Variants in PCDH20 observed in about 807,000 individuals in gnomAD.
PCDH20 encodes the protein protocadherin 20.
Under a neutral mutation model 39.7 loss-of-function variants are expected in PCDH20, and 18 were observed. The ratio of observed to expected loss-of-function variants is 0.45; its 90% confidence interval spans 0.31 to 0.67. The LOEUF (loss-of-function observed/expected upper bound fraction) is 0.67, where lower values mean the gene tolerates loss of function less well. Among genes scored for constraint, PCDH20 ranks in the 30% least tolerant of loss-of-function variants. The probability of loss-of-function intolerance (pLI) is 0.05; values close to 1 mark genes in which losing one functional copy is unlikely to be tolerated. For missense variants in PCDH20, 1,161 were observed against 1,167.4 expected (o/e 0.99, Z 0.08); for synonymous variants, 495 against 455.4 (o/e 1.09, Z -1.11).
At chr13:61,412,059 G>A (rs1566222333) in exon 2 of PCDH20, 2 of 1,614,016 alleles carry the variant, frequency 1.2e-6, no homozygotes, top group Non-Finnish European at 8.5e-7. Context: ...TATCACTCTG[G>A]TTCACCACAG....
intron 1 of PCDH20, among the ~76,000 whole-genome samples, chr13:61,414,620 C>G (rs532008096): frequency 2.0e-5 from 3 of 152,270 alleles, no homozygotes; most frequent in African/African-American, 7.2e-5. Flanking sequence ...ATTTCCACCC[C>G]TTACCAAGCA....
chr13:61,412,200 A>G (rs778346963), exon 2 of PCDH20: 1 of 1,613,996 alleles, frequency 6.2e-7, no homozygotes, highest in East Asian at 2.2e-5. Context: ...GACTGTTGTC[A>G]TTTTTATCCA....
chr13:61,411,585 C>T (rs139721245), exon 2 of PCDH20: 1 of 1,614,168 alleles, frequency 6.2e-7, no homozygotes, highest in Non-Finnish European at 8.5e-7. Flanking sequence ...ATAGGTTCAC[C>T]ATGACTGTGG....
exon 2 of PCDH20, chr13:61,411,523 T>C: frequency 6.2e-7 from 1 of 1,614,204 alleles, no homozygotes; most frequent in Non-Finnish European, 8.5e-7. Flanking sequence ...CTCTGGTTCT[T>C]TTCTTAAAAG....
At position 61,412,556 on chromosome 13, in the gene PCDH20, A is replaced by G. The variant is rs913864855; in HGVS notation, c.1543T>C (p.Phe515Leu). The G allele has an allele frequency of 6.2e-7, 1 of 1,613,994 alleles. No homozygotes were observed. Among genetic ancestry groups the G allele is most frequent in the Admixed American group, 1.7e-5 (1 of 60,006 alleles). The change falls in exon 2 of 2, where the codon TTT (phenylalanine) becomes CTT (leucine). Residue 515 changes from phenylalanine (F) to leucine (L), a missense_variant. Around this residue, in one of 3 missense-constraint regions of PCDH20, gnomAD observed 754 missense variants for 777.5 expected, o/e 0.97. Coordinates refer to ENST00000409204, the Ensembl canonical transcript of PCDH20. ...ACTTTAATGACCCTTTTGACATGAA[A>G]TCCCTCAGAGTTCCAAGCCACCACA...
exon 2 of PCDH20, chr13:61,411,420 C>T (rs987767339): frequency 1.9e-6 from 3 of 1,614,094 alleles, no homozygotes; most frequent in Middle Eastern, 1.6e-4. Context: ...TTATTACAGA[C>T]AGAGCTACTA....
chr13:61,412,468 A>G, exon 2 of PCDH20: 1 of 1,614,120 alleles, frequency 6.2e-7, no homozygotes, highest in Non-Finnish European at 8.5e-7. Flanking sequence ...GTTCTCTTCG[A>G]TGGTTAGTTC....
exon 2 of PCDH20, chr13:61,413,563 A>C (rs779862281): frequency 6.2e-7 from 1 of 1,614,174 alleles, no homozygotes; most frequent in East Asian, 2.2e-5. Context: ...CACATCCAGC[A>C]GCAAAAGACA....
chr13:61,415,455 C>T lies in PCDH20; in HGVS notation c.-297G>A, dbSNP rs3829389. The T allele has an allele frequency of 6.4e-3, 1,832 of 288,312 alleles. 79 individuals carry two copies. In the East Asian group the frequency reaches 0.081, roughly 13 times the overall value. The allele number at this position is 288,312 out of a possible 1,614,324, so 17.9% of individuals were successfully genotyped here. ...ACAGTAGCGCTTACCTACCAGCCTCCTTCCTTGCCGCACCAGTCAGATGCC... is the reference window on the plus strand; with the variant it reads ...ACAGTAGCGCTTACCTACCAGCCTCTTTCCTTGCCGCACCAGTCAGATGCC... On this transcript the variant is annotated 5_prime_UTR_variant, in exon 1 of 2. Coordinates refer to ENST00000409204, the Ensembl canonical transcript of PCDH20.
At chr13:61,413,146 G>A (rs1871440681) in exon 2 of PCDH20, 1 of 1,614,158 alleles carries the variant, frequency 6.2e-7, no homozygotes, top group Non-Finnish European at 8.5e-7. Context: ...TGTGAAGAGA[G>A]GGCAATTGTC....
In PCDH20 at chr13:61,414,938, TAGA is replaced by T. The variant is rs1284511233; in HGVS notation, c.132+86_132+88del. ...CCTTCCCGTGAAGTTTAGATAAAGG[TAGA>T]AGGTTTGAAAAACCATCCGAGTGGG... On this transcript the variant is annotated intron_variant, in intron 1 of 1. Coordinates refer to ENST00000409204, the Ensembl canonical transcript of PCDH20. The T allele has an allele frequency of 5.5e-6, 7 of 1,278,910 alleles. No individual in the cohort carries two copies. The African/African-American group carries it at 9.3e-5, about 17-fold the overall frequency. The allele number at this position is 1,278,910 out of a possible 1,614,324, so 79.2% of individuals were successfully genotyped here.
exon 2 of PCDH20, chr13:61,413,702 G>A (rs1871469168): frequency 6.2e-7 from 1 of 1,613,872 alleles, no homozygotes; most frequent in Admixed American, 1.7e-5. Flanking sequence ...CGGTTGTCTA[G>A]GGTCACGTAC....
chr13:61,412,121 C>T (rs866914126), exon 2 of PCDH20: 3 of 1,614,124 alleles, frequency 1.9e-6, no homozygotes, highest in Non-Finnish European at 2.5e-6. Context: ...ACACTAATTA[C>T]TCCAATCTCA....
chr13:61,413,254 G>C (rs1268919387), exon 2 of PCDH20: 1 of 1,614,110 alleles, frequency 6.2e-7, no homozygotes, highest in Admixed American at 1.7e-5. Context: ...CTGGTCCTGG[G>C]TTTCCCTGTC....
intron 1 of PCDH20, among the ~76,000 whole-genome samples, chr13:61,414,734 AG>A (rs1871498765): frequency 6.6e-6 from 1 of 152,198 alleles, no homozygotes; most frequent in Admixed American, 6.5e-5. Context: ...AGACGCCAGC[AG>A]CAGGAAACGA....
chr13:61,415,451 C>T, exon 1 of PCDH20: 1 of 296,690 alleles, frequency 3.4e-6, no homozygotes, highest in Admixed American at 5.1e-5. Context: ...TACCTACCAG[C>T]CTCCTTCCTT....
chr13:61,411,279 C>A (rs1218047585), exon 2 of PCDH20: 1 of 1,613,872 alleles, frequency 6.2e-7, no homozygotes. Context: ...TTCTCTCTCG[C>A]ATATGCAAGT....
At chr13:61,415,100 G>C (rs1434680498) in exon 1 of PCDH20, 1 of 1,560,378 alleles carries the variant, frequency 6.4e-7, no homozygotes, top group Non-Finnish European at 8.7e-7. Context: ...GTGCCAGGTC[G>C]CCGGGCACCA....
rs4281600 is a variant in PCDH20 at position 61,413,974 on chromosome 13, T to G, written c.133-8A>C. On this transcript the variant is annotated splice_polypyrimidine_tract_variant and splice_region_variant and intron_variant, in intron 1 of 1. Coordinates refer to ENST00000409204, the Ensembl canonical transcript of PCDH20. ...GAAAAACAGAAACAGATGCTGGAGT[T>G]GGGGGAGGGAAGAAAGCTCATTACA... The G allele has an allele frequency of 1, 1,596,287 of 1,598,446 alleles. 797,086 individuals carry two copies. The highest frequency in any genetic ancestry group is 1 in the East Asian group (44,376 of 44,376).
Sources: gnomAD v4.1 joint callset for allele counts (sites outside exome capture counted in the v4.1 genomes callset) on GRCh38, gnomAD v4.1.1 for gene constraint, gnomAD v4.1.1 regional missense constraint, MANE v1.5 for transcripts, NCBI Gene and HGNC (gene_info 2026-07-23, HGNC 2026-07-21) for gene names.